Variants in DCDC1 observed in about 807,000 individuals in gnomAD.
The protein encoded by DCDC1 is doublecortin domain containing 1.
In DCDC1, 200 loss-of-function variants were observed where a neutral mutation model predicts 178.3. That is an observed-to-expected ratio of 1.12 (90% CI 1.00 to 1.26). The LOEUF (loss-of-function observed/expected upper bound fraction) is 1.26, where lower values mean the gene tolerates loss of function less well. Among genes scored for constraint, DCDC1 ranks in the 50% most tolerant of loss-of-function variants. The pLI is 0.00. For missense variants in DCDC1, 1,983 were observed against 1,749.2 expected, an observed-to-expected ratio of 1.13 and a Z score of -2.38; for synonymous variants, 690 against 604.8, an observed-to-expected ratio of 1.14 and a Z score of -2.07.
At chr11:31,034,551 C>T (rs1034978280) in intron 20 of DCDC1, among the ~76,000 whole-genome samples, 2 of 152,146 alleles carry the variant, frequency 1.3e-5, no homozygotes, top group Non-Finnish European at 2.9e-5. Context: ...TATGTTTGAG[C>T]ATGTGTAGAT....
At chr11:31,223,469 T>A (rs917414034) in intron 9 of DCDC1, among the ~76,000 whole-genome samples, 1 of 152,182 alleles carries the variant, frequency 6.6e-6, no homozygotes, top group African/African-American at 2.4e-5. Flanking sequence ...TACTGCATAC[T>A]TTTTTCATAC....
At chr11:31,011,917 T>C (rs1227951966) in intron 20 of DCDC1, among the ~76,000 whole-genome samples, 1 of 152,332 alleles carries the variant, frequency 6.6e-6, no homozygotes, top group African/African-American at 2.4e-5. Context: ...TTATGTCGAA[T>C]TGTAATCCCC....
intron 38 of DCDC1, among the ~76,000 whole-genome samples, chr11:30,874,520 G>A (rs778832226): frequency 1.3e-5 from 2 of 152,146 alleles, no homozygotes; most frequent in Admixed American, 1.3e-4. Flanking sequence ...GAAGAGGGAG[G>A]AGGGAAGAGG....
intron 9 of DCDC1, among the ~76,000 whole-genome samples, chr11:31,217,552 A>G (rs188327688): frequency 3.3e-5 from 5 of 152,124 alleles, no homozygotes; most frequent in Admixed American, 6.6e-5. Context: ...GTAAGAAAAG[A>G]TCCAAATGTT....
intron 20 of DCDC1, among the ~76,000 whole-genome samples, chr11:30,983,112 T>TTGTACACA (rs1950474101): frequency 6.6e-6 from 1 of 152,200 alleles, no homozygotes; most frequent in Non-Finnish European, 1.5e-5. Flanking sequence ...AAATGTCTTT[T>TTGTACACA]ATGTGCATTT....
At chr11:30,879,499 C>A (rs1191040214) in intron 37 of DCDC1, among the ~76,000 whole-genome samples, 1 of 152,122 alleles carries the variant, frequency 6.6e-6, no homozygotes, top group African/African-American at 2.4e-5. Context: ...ATATATAGCT[C>A]ATTGGAAAGA....
At position 30,916,351 on chromosome 11, in the gene DCDC1, T is replaced by G. The variant is rs1040089750; in HGVS notation, c.3452+519A>C. 5.1e-4 allele frequency among the ~76,000 whole-genome samples: 77 copies of G among 152,328 alleles called. 1 individual carries two copies. The highest frequency in any genetic ancestry group is 1.8e-3 in the African/African-American group (76 of 41,576). On this transcript the variant is annotated intron_variant, in intron 26 of 38. Coordinates refer to ENST00000684477, the MANE Select transcript of DCDC1 (RefSeq NM_001387274.1). ...CATGGCCTAGTGCTAAATGTTGAAG[T>G]GTCAAAAATGTTTAATTCATGTGTT... is the stretch of plus-strand genomic sequence containing the variant.
chr11:31,039,949 C>A (rs969443316), intron 20 of DCDC1, among the ~76,000 whole-genome samples: 2 of 152,146 alleles, frequency 1.3e-5, no homozygotes, highest in East Asian at 3.9e-4. Context: ...TGGCTACAAT[C>A]ATTAAAACCT....
intron 21 of DCDC1, among the ~76,000 whole-genome samples, chr11:30,947,296 C>A (rs1402455108): frequency 6.6e-6 from 1 of 152,096 alleles, no homozygotes; most frequent in South Asian, 2.1e-4. Context: ...CAGAGTGAAG[C>A]ATTACCTGAC....
chr11:30,978,291 T>C (rs766578863), intron 20 of DCDC1, among the ~76,000 whole-genome samples: 6 of 152,194 alleles, frequency 3.9e-5, no homozygotes, highest in Admixed American at 1.3e-4. Flanking sequence ...CACTTATGTC[T>C]TAACCAACAA....
At chr11:31,214,424 A>AT (rs1268258821) in intron 9 of DCDC1, among the ~76,000 whole-genome samples, 2 of 151,710 alleles carry the variant, frequency 1.3e-5, no homozygotes, top group Non-Finnish European at 2.9e-5. Flanking sequence ...TTTGATTTTA[A>AT]TTTTTTTTTA....
At chr11:31,295,230 GTAT>G (rs978961053) in intron 6 of DCDC1, among the ~76,000 whole-genome samples, 8 of 152,022 alleles carry the variant, frequency 5.3e-5, no homozygotes, top group Non-Finnish European at 1.5e-5. Context: ...ATTTTTGTTT[GTAT>G]TATTTTTTAT....
At chr11:31,203,217 T>C (rs1408344364) in intron 9 of DCDC1, among the ~76,000 whole-genome samples, 1 of 152,124 alleles carries the variant, frequency 6.6e-6, no homozygotes, top group Non-Finnish European at 1.5e-5. Context: ...TATAGTATGC[T>C]GTAAGAGATA....
rs772259140 is a variant in DCDC1 at position 30,931,917 on chromosome 11, C to T, written c.2751G>A (p.Pro917=). The T allele has an allele frequency of 1.5e-5, 24 of 1,612,188 alleles. No individual in the cohort carries two copies. The highest frequency in any genetic ancestry group is 1.8e-5 in the Non-Finnish European group (21 of 1,179,056). The change falls in exon 22 of 39, where the codon CCG becomes CCA. Residue 917 remains proline, a synonymous_variant. Coordinates refer to ENST00000684477, the MANE Select transcript of DCDC1 (RefSeq NM_001387274.1). ...TGGGTTTCTTCATGGGAGGACTGCTCGGAACAAGCAGTCCTTGTATTGGCC... is the reference window on the plus strand; with the variant it reads ...TGGGTTTCTTCATGGGAGGACTGCTTGGAACAAGCAGTCCTTGTATTGGCC... ...FDWPIQGLLV[P]SSPPMKKPIC... is the part of the protein sequence containing the mutation.
chr11:30,903,565 GA>G lies in DCDC1; in HGVS notation c.4426del (p.Ser1476ProfsTer22). ...TTTCTCAGAGTCTCTCTGGAGAAAG[GA>G]TTCATCTAGAGCCCATAAAACCAAA... ...RDLVLWALDESFLQRDSEKQK... is the reference protein window; with the variant it reads ...RDLVLWALDEXFLQRDSEKQK... On this transcript the variant is annotated frameshift_variant, in exon 32 of 39. Transcript: ENST00000684477. LOFTEE classifies it high-confidence loss of function. 6.2e-7 allele frequency: 1 copy of G among 1,608,468 alleles called. No homozygotes were observed. The highest frequency in any genetic ancestry group is 8.5e-7 in the Non-Finnish European group (1 of 1,177,264).
intron 13 of DCDC1, among the ~76,000 whole-genome samples, chr11:31,104,359 AACG>A (rs1419413200): frequency 1.3e-5 from 2 of 152,144 alleles, no homozygotes; most frequent in African/African-American, 2.4e-5. Flanking sequence ...ATTAAAAATC[AACG>A]ACATCACCTC....
intron 29 of DCDC1, among the ~76,000 whole-genome samples, chr11:30,907,584 T>G (rs939416647): frequency 2.6e-5 from 4 of 152,002 alleles, no homozygotes; most frequent in African/African-American, 9.7e-5. Flanking sequence ...GACCACAATG[T>G]GAACAAACTT....
chr11:31,022,621 T>G (rs1214355803), intron 20 of DCDC1, among the ~76,000 whole-genome samples: 1 of 150,534 alleles, frequency 6.6e-6, no homozygotes, highest in Non-Finnish European at 1.5e-5. Context: ...CAGTCTTTCT[T>G]GTTTATCTAG....
intron 15 of DCDC1, among the ~76,000 whole-genome samples, chr11:31,099,755 G>A (rs763472109): frequency 6.7e-6 from 1 of 148,808 alleles, no homozygotes; most frequent in Non-Finnish European, 1.5e-5. Flanking sequence ...AGTCTCGCTC[G>A]GTTGCCAGGC....
Sources: allele counts gnomAD v4.1 joint callset (sites outside exome capture counted in the v4.1 genomes callset), GRCh38; gene constraint gnomAD v4.1.1; transcripts MANE v1.5; gene names NCBI Gene and HGNC (gene_info 2026-07-23, HGNC 2026-07-21).